The following RBM39 variants were observed in gnomAD, a reference collection of about 807,000 sequenced individuals.
RBM39 encodes RNA binding motif protein 39.
RBM39 carries 12 observed loss-of-function variants against 79.6 expected under a neutral mutation model. That is an observed-to-expected ratio of 0.15 (90% CI 0.10 to 0.24). The LOEUF is 0.24. Among genes scored for constraint, RBM39 ranks in the 10% least tolerant of loss-of-function variants. RBM39 has a pLI of 1.00. For missense variants in RBM39, 243 were observed against 653.4 expected (o/e 0.37, Z 6.85); for synonymous variants, 185 against 208.4 (o/e 0.89, Z 0.97).
At chr20:35,729,869 T>C (rs796992353) in intron 4 of RBM39, among the ~76,000 whole-genome samples, 13 of 146,890 alleles carry the variant, frequency 8.9e-5, no homozygotes, top group Middle Eastern at 3.5e-3. Flanking sequence ...CACACACACA[T>C]ATATAAAAAA....
chr20:35,716,680 C>G (rs2037175042), intron 10 of RBM39, 60 bp downstream of exon 10: 1 of 1,046,846 alleles, frequency 9.6e-7, no homozygotes, highest in South Asian at 1.4e-5. Context: ...CTGAGCAACA[C>G]AGCAAATGTA....
chr20:35,714,524 AAGT>A, intron 10 of RBM39, 135 bp from the exon 11 acceptor site: 1 of 1,274,030 alleles, frequency 7.8e-7, no homozygotes, highest in Non-Finnish European at 1.0e-6. Context: ...TGCAAGCTGT[AAGT>A]AGCAAACACA....
At chr20:35,716,895 C>T (rs2037198357) in intron 9 of RBM39, 90 bp from the exon 10 acceptor site, 1 of 782,568 alleles carries the variant, frequency 1.3e-6, no homozygotes, top group Admixed American at 2.6e-5. Context: ...ATCTACCAGT[C>T]TCCTCATCCT....
chr20:35,704,701 C>T lies in RBM39; in HGVS notation c.1459G>A (p.Ala487Thr). Residue 487 changes from alanine to threonine, a missense_variant, in exon 16 of 17, where the codon GCT becomes ACT. Transcript: ENST00000253363. ...CACCTGCCATGCAATGCATTGACAG[C>T]AGCAATAGCTGCAGCAATTGATGGG... ...KCPSIAAAIA[A>T]VNALHGRWFA... is the part of the protein sequence containing the mutation. The T allele has an allele frequency of 1.2e-6, 2 of 1,614,032 alleles. No homozygotes were observed. Among genetic ancestry groups the T allele is most frequent in the South Asian group, 2.2e-5 (2 of 91,070 alleles).
At chr20:35,734,944 A>G (rs768655760) in intron 3 of RBM39, 19 of 1,599,750 alleles carry the variant, frequency 1.2e-5, no homozygotes, top group Non-Finnish European at 1.4e-5. Context: ...TTTGTACTGA[A>G]CATCACTGAA....
intron 2 of RBM39, chr20:35,739,249 A>C: frequency 1.8e-6 from 1 of 549,638 alleles, no homozygotes; most frequent in South Asian, 2.0e-5. Flanking sequence ...CCATATTAAC[A>C]TGTTAAATTT....
Position 35,716,822 on chromosome 20 carries a change from T to A in RBM39, c.826-17A>T. On this transcript the variant is annotated splice_polypyrimidine_tract_variant and intron_variant, in intron 9 of 16. Transcript: ENST00000253363. ...ACTTTCAATCTATAATTGAAAAGCA[T>A]AATTACTATAACTTAAAAGCAGAGT... The A allele has an allele frequency of 6.4e-7, 1 of 1,554,128 alleles. No individual in the cohort carries two copies. The highest frequency in any genetic ancestry group is 8.8e-7 in the Non-Finnish European group (1 of 1,135,456).
intron 13 of RBM39, 110 bp from the exon 14 acceptor site, chr20:35,707,311 C>T (rs1196412448): frequency 1.8e-6 from 1 of 570,538 alleles, no homozygotes; most frequent in Admixed American, 3.6e-5. Flanking sequence ...ACTAGGATGT[C>T]ACTGGAGTTA....
Position 35,742,041 on chromosome 20 carries a change from A to C in RBM39, c.-114T>G, listed in dbSNP as rs942801579. The C allele has an allele frequency of 8.6e-6, 2 of 232,994 alleles. No homozygotes were observed. Among genetic ancestry groups the C allele is most frequent in the Admixed American group, 5.1e-5 (1 of 19,678 alleles). The allele number at this position is 232,994 out of a possible 1,614,324, so 14.4% of individuals were successfully genotyped here. ...GCCGCCGCTTCTGTTGCTACTGTTAAGCCCCTAGGCCCAGGCCGCGGAACC... is the reference window on the plus strand; with the variant it reads ...GCCGCCGCTTCTGTTGCTACTGTTACGCCCCTAGGCCCAGGCCGCGGAACC... On this transcript the variant is annotated 5_prime_UTR_variant, in exon 1 of 17. Transcript: ENST00000253363.
At chr20:35,736,613 T>C (rs1310083251) in intron 3 of RBM39, 2 of 467,440 alleles carry the variant, frequency 4.3e-6, no homozygotes, top group Non-Finnish European at 8.8e-6. Context: ...ATGGCTATTT[T>C]TCTCTCGTTT....
intron 6 of RBM39, among the ~76,000 whole-genome samples, chr20:35,726,195 A>C (rs1039287359): frequency 9.9e-5 from 15 of 151,536 alleles, no homozygotes; most frequent in Admixed American, 5.9e-4. Context: ...GCAGTGGCGC[A>C]ATCTCGGCTC....
In RBM39 at chr20:35,714,176, A is replaced by C. The variant is rs769223572; in HGVS notation, c.1096+9T>G. ...CAGTAAATCATTCGTAATAGCAAGA[A>C]ACACTTACCCTCTGCAAGTCTTGCC... On this transcript the variant is annotated intron_variant, in intron 11 of 16. Transcript: ENST00000253363. The C allele has an allele frequency of 6.2e-7, 1 of 1,611,322 alleles. No individual in the cohort carries two copies. Among genetic ancestry groups the C allele is most frequent in the South Asian group, 1.1e-5 (1 of 90,982 alleles).
intron 6 of RBM39, among the ~76,000 whole-genome samples, chr20:35,726,312 T>TA (rs1423209678): frequency 6.6e-6 from 1 of 151,502 alleles, no homozygotes; most frequent in East Asian, 2.0e-4. Flanking sequence ...TCTGTATTTT[T>TA]AGTAGACATG....
chr20:35,737,480 A>G (rs926424716), intron 3 of RBM39, among the ~76,000 whole-genome samples: 4 of 151,582 alleles, frequency 2.6e-5, no homozygotes, highest in African/African-American at 9.7e-5. Context: ...GAACTGCCTG[A>G]ACCCAGGAGG....
intron 8 of RBM39, among the ~76,000 whole-genome samples, chr20:35,723,011 A>C (rs2038182492): frequency 6.6e-6 from 1 of 152,146 alleles, no homozygotes; most frequent in Non-Finnish European, 1.5e-5. Context: ...TCTTGACAAC[A>C]ATCTTAAGAT....
At chr20:35,734,860 C>T (rs751913150) in intron 3 of RBM39, 25 of 1,467,004 alleles carry the variant, frequency 1.7e-5, no homozygotes, top group Middle Eastern at 1.8e-4. Context: ...GAAGGGTTAT[C>T]GAAATCCACA....
intron 1 of RBM39, 133 bp from the exon 2 acceptor site, chr20:35,741,020 A>C (rs1381762205): frequency 1.7e-5 from 2 of 119,600 alleles, no homozygotes; most frequent in Non-Finnish European, 3.3e-5. Flanking sequence ...TTCCGTGAGT[A>C]AACATTTTTC....
chr20:35,731,870 C>T (rs2039405845), intron 4 of RBM39, 71 bp downstream of exon 4: 1 of 1,339,396 alleles, frequency 7.5e-7, no homozygotes, highest in Non-Finnish European at 1.1e-6. Flanking sequence ...ATTCAAATCA[C>T]TCAAGTTAAA....
intron 12 of RBM39, among the ~76,000 whole-genome samples, chr20:35,710,782 A>G (rs976935034): frequency 2.0e-5 from 3 of 152,200 alleles, no homozygotes; most frequent in Admixed American, 6.5e-5. Context: ...CACCTAAAAC[A>G]TGAGTGTTAT....
Sources: gnomAD v4.1 joint callset for allele counts (sites outside exome capture counted in the v4.1 genomes callset) on GRCh38, gnomAD v4.1.1 for gene constraint, MANE v1.5 for transcripts, NCBI Gene and HGNC (gene_info 2026-07-23, HGNC 2026-07-21) for gene names.